The following ROBO2 variants were observed in gnomAD, a reference collection of about 807,000 sequenced individuals.
ROBO2 encodes the protein roundabout homolog 2.
ROBO2 carries 53 observed loss-of-function variants against 160.8 expected under a neutral mutation model. The ratio of observed to expected loss-of-function variants is 0.33; its 90% CI spans 0.26 to 0.41. The LOEUF is 0.41. Ranked by LOEUF, ROBO2 falls within the 10% of genes least tolerant of loss-of-function variation. ROBO2 has a pLI of 1.00. For synonymous variants in ROBO2, 664 were observed against 611.7 expected (o/e 1.09, Z -1.26); for missense variants, 1,577 against 1,722.4 (o/e 0.92, Z 1.49).
chr3:77,220,827 A>G (rs1361287263), intron 2 of ROBO2, among the ~76,000 whole-genome samples: 1 of 152,138 alleles, frequency 6.6e-6, no homozygotes, highest in Admixed American at 6.6e-5. Flanking sequence ...ATCTTTTTGA[A>G]AAAAAGATGA....
intron 1 of ROBO2, among the ~76,000 whole-genome samples, chr3:75,909,356 AG>A (rs1946471876): frequency 1.3e-5 from 2 of 152,202 alleles, no homozygotes; most frequent in African/African-American, 4.8e-5. Context: ...TAGGGGTATA[AG>A]GAGAAGTTAA....
chr3:76,326,832 G>A (rs904073075), intron 2 of ROBO2, among the ~76,000 whole-genome samples: 2 of 131,904 alleles, frequency 1.5e-5, no homozygotes, highest in East Asian at 2.2e-4. Context: ...ATGTGATCTC[G>A]TTGTTCAATT....
chr3:77,215,127 G>A (rs1172670510), intron 2 of ROBO2, among the ~76,000 whole-genome samples: 4 of 152,166 alleles, frequency 2.6e-5, no homozygotes, highest in Non-Finnish European at 5.9e-5. Context: ...ATGTTGGCCT[G>A]CCTTGCTGGG....
chr3:77,061,836 A>C (rs1205487074), intron 1 of ROBO2, among the ~76,000 whole-genome samples: 1 of 152,188 alleles, frequency 6.6e-6, no homozygotes, highest in South Asian at 2.1e-4. Flanking sequence ...TCTATGCAGG[A>C]CAGGAATACC....
At chr3:76,934,389 T>C (rs753575030) in intron 2 of ROBO2, among the ~76,000 whole-genome samples, 1 of 151,702 alleles carries the variant, frequency 6.6e-6, no homozygotes, top group Non-Finnish European at 1.5e-5. Context: ...TAAATAAAAA[T>C]AATAGCTACA....
intron 2 of ROBO2, among the ~76,000 whole-genome samples, chr3:76,137,347 A>G (rs1209721582): frequency 6.6e-6 from 1 of 152,042 alleles, no homozygotes; most frequent in East Asian, 1.9e-4. Context: ...GGTTGCCGAA[A>G]ACGTCCAATC....
intron 2 of ROBO2, among the ~76,000 whole-genome samples, chr3:75,992,049 A>G (rs538668326): frequency 2.0e-5 from 3 of 152,288 alleles, no homozygotes; most frequent in African/African-American, 7.2e-5. Flanking sequence ...GTTTTAAAAG[A>G]GACACAGAGC....
chr3:77,359,710 G>A (rs909205681), intron 2 of ROBO2, among the ~76,000 whole-genome samples: 3 of 152,028 alleles, frequency 2.0e-5, no homozygotes, highest in Non-Finnish European at 2.9e-5. Flanking sequence ...ATGAGGTCTC[G>A]CCCTTTCACT....
At chr3:76,681,626 G>T (rs540667184) in intron 2 of ROBO2, among the ~76,000 whole-genome samples, 1 of 152,250 alleles carries the variant, frequency 6.6e-6, no homozygotes, top group South Asian at 2.1e-4. Flanking sequence ...GTATGGTGTG[G>T]AACAGCATCC....
intron 2 of ROBO2, among the ~76,000 whole-genome samples, chr3:76,802,793 G>C (rs560926618): frequency 1.3e-5 from 2 of 151,492 alleles, no homozygotes; most frequent in Non-Finnish European, 2.9e-5. Flanking sequence ...AATTGAGTTT[G>C]GTGTAAGACA....
At chr3:76,913,045 C>A (rs1045452880) in intron 2 of ROBO2, among the ~76,000 whole-genome samples, 1 of 152,016 alleles carries the variant, frequency 6.6e-6, no homozygotes, top group Non-Finnish European at 1.5e-5. Context: ...TGATAGCAAA[C>A]CTTGGTGGAG....
chr3:77,239,513 C>A (rs753419251), intron 2 of ROBO2, among the ~76,000 whole-genome samples: 9 of 152,150 alleles, frequency 5.9e-5, no homozygotes, highest in Non-Finnish European at 1.5e-5. Context: ...GGGACCCCAG[C>A]GCCTTCCCAC....
At chr3:76,069,524 A>ATT (rs2068373713) in intron 2 of ROBO2, among the ~76,000 whole-genome samples, 2 of 59,008 alleles carry the variant, frequency 3.4e-5, no homozygotes, top group African/African-American at 1.4e-4. Context: ...GCTTATTGCT[A>ATT]GTTTTTTTTT....
intron 2 of ROBO2, among the ~76,000 whole-genome samples, chr3:76,545,902 G>A (rs551939113): frequency 1.2e-4 from 18 of 151,724 alleles, no homozygotes; most frequent in South Asian, 2.1e-4. Context: ...TATTTATTAC[G>A]AAAACAGTAT....
chr3:77,048,059 A>G (rs907284721), intron 1 of ROBO2, among the ~76,000 whole-genome samples: 1 of 152,136 alleles, frequency 6.6e-6, no homozygotes, highest in African/African-American at 2.4e-5. Context: ...AAAAAAAGAT[A>G]TATATGATGC....
intron 2 of ROBO2, among the ~76,000 whole-genome samples, chr3:76,036,941 C>A (rs1006369864): frequency 6.6e-6 from 1 of 152,012 alleles, no homozygotes; most frequent in African/African-American, 2.4e-5. Context: ...CCATAGCGAA[C>A]TTACCCATGC....
At chr3:76,885,528 T>G (rs1474887116) in intron 2 of ROBO2, among the ~76,000 whole-genome samples, 2 of 152,210 alleles carry the variant, frequency 1.3e-5, no homozygotes, top group African/African-American at 4.8e-5. Context: ...CCATGATTCC[T>G]ACTGAAACTA....
chr3:76,579,241 A>G (rs141590033), intron 2 of ROBO2, among the ~76,000 whole-genome samples: 44 of 152,298 alleles, frequency 2.9e-4, no homozygotes, highest in African/African-American at 1.0e-3. Flanking sequence ...ACCATAATAA[A>G]TAAAAGATAG....
chr3:77,340,941 C>T (rs930918035), intron 2 of ROBO2, among the ~76,000 whole-genome samples: 6 of 152,078 alleles, frequency 3.9e-5, no homozygotes, highest in African/African-American at 1.2e-4. Context: ...GATCAACAAG[C>T]TAGTCTATGG....
Sources: gnomAD v4.1 joint callset for allele counts (sites outside exome capture counted in the v4.1 genomes callset) on GRCh38, gnomAD v4.1.1 for gene constraint, MANE v1.5 for transcripts, NCBI Gene and HGNC (gene_info 2026-07-23, HGNC 2026-07-21) for gene names.